Variants in EVC2 observed in about 807,000 individuals in gnomAD.
EVC2 encodes EvC ciliary complex subunit 2.
Under a neutral mutation model 149.3 loss-of-function variants are expected in EVC2, and 148 were observed. That is an observed-to-expected ratio of 0.99 (90% CI 0.87 to 1.14). The LOEUF is 1.14. EVC2 is among the 50% of genes most tolerant of loss of function. The probability of loss-of-function intolerance (pLI) is 0.00; values close to 1 mark genes in which losing one functional copy is unlikely to be tolerated. For synonymous variants in EVC2, 776 were observed against 649.9 expected (o/e 1.19, Z -2.95); for missense variants, 1,854 against 1,627.3 (o/e 1.14, Z -2.40).
At chr4:5,582,769 G>A (rs756391008) in intron 17 of EVC2, among the ~76,000 whole-genome samples, 7 of 152,162 alleles carry the variant, frequency 4.6e-5, no homozygotes, top group African/African-American at 7.2e-5. Flanking sequence ...ACTGGATCAC[G>A]GGGGTCCTTC....
Position 5,584,679 on chromosome 4 carries a change from C to A in EVC2, c.3001G>T (p.Ala1001Ser), listed in dbSNP as rs772696369. Residue 1001 changes from alanine to serine, a missense_variant, in exon 17 of 22, where the codon GCA (alanine) becomes TCA (serine). Coordinates refer to ENST00000344408, the MANE Select transcript of EVC2 (RefSeq NM_147127.5). Reference protein sequence around the residue: ...IQDLLLEELSASEMLTKSACT... With the variant: ...IQDLLLEELSSSEMLTKSACT... The stretch of plus-strand genomic sequence containing the variant: ...GCCGACTTGGTCAGCATCTCAGATG[C>A]ACTCAGCTCTTCCAGGAGCAAGTCC... 1.9e-6 allele frequency: 3 copies of A among 1,614,102 alleles called. No homozygotes were observed. Among genetic ancestry groups the A allele is most frequent in the Non-Finnish European group, 2.5e-6 (3 of 1,179,988 alleles).
At chr4:5,612,854 A>G (rs375135319) in intron 16 of EVC2, among the ~76,000 whole-genome samples, 26 of 143,412 alleles carry the variant, frequency 1.8e-4, no homozygotes, top group South Asian at 2.4e-4. Context: ...CCCGGGAGGC[A>G]GAGCTTGCAG....
At chr4:5,654,673 T>C (rs975701895) in intron 9 of EVC2, among the ~76,000 whole-genome samples, 15 of 152,036 alleles carry the variant, frequency 9.9e-5, no homozygotes, top group Admixed American at 2.6e-4. Flanking sequence ...CTATGGAACA[T>C]AGGCTTGGCC....
chr4:5,707,218 G>C (rs1370211991), intron 1 of EVC2, among the ~76,000 whole-genome samples: 1 of 152,210 alleles, frequency 6.6e-6, no homozygotes, highest in Non-Finnish European at 1.5e-5. Context: ...CAGGGAACAT[G>C]TTCTGTCATT....
chr4:5,613,673 G>A lies in EVC2; in HGVS notation c.2829+1749C>T, dbSNP rs1051460437. On this transcript the variant is annotated intron_variant, in intron 16 of 21. Coordinates refer to ENST00000344408, the MANE Select transcript of EVC2 (RefSeq NM_147127.5). This position sits in a 1 kb window ranked among gnomAD's most constrained non-coding sequence, Gnocchi z 4.6. ...AGTGACACTGTGATTGCTTGATGGAGTTTGTTTAATACTCAGGTAGTTTAG... is the reference window on the plus strand; with the variant it reads ...AGTGACACTGTGATTGCTTGATGGAATTTGTTTAATACTCAGGTAGTTTAG... Among the ~76,000 whole-genome samples the A allele has an allele frequency of 8.6e-5, 13 of 151,200 alleles. No homozygotes were observed. Among genetic ancestry groups the A allele is most frequent in the African/African-American group, 3.2e-4 (13 of 40,504 alleles).
chr4:5,703,515 A>G (rs1721957572), intron 1 of EVC2, among the ~76,000 whole-genome samples: 1 of 152,216 alleles, frequency 6.6e-6, no homozygotes, highest in Admixed American at 6.5e-5. Context: ...AGTAAACAGT[A>G]GAGCTGAGGT....
At chr4:5,555,842 A>T (rs4688940) in intron 21 of EVC2, among the ~76,000 whole-genome samples, 1 of 151,878 alleles carries the variant, frequency 6.6e-6, no homozygotes, top group Non-Finnish European at 1.5e-5. Flanking sequence ...ATATAAAATC[A>T]TCTCAACTTT....
chr4:5,578,239 T>TC (rs36021361), intron 17 of EVC2, among the ~76,000 whole-genome samples: 75,118 of 151,866 alleles, frequency 0.49, 20,999 homozygotes, highest in East Asian at 0.86. Context: ...TTCTCCTTTC[T>TC]CCCAGCAGTC....
intron 9 of EVC2, among the ~76,000 whole-genome samples, chr4:5,660,627 T>C (rs539606512): frequency 1.3e-5 from 2 of 151,654 alleles, no homozygotes; most frequent in Admixed American, 6.5e-5. Context: ...TGACCACTTC[T>C]CTTTATGGTC....
chr4:5,534,961 CTTTTT>C, the EVC2 span, among the ~76,000 whole-genome samples: 3 of 150,964 alleles, frequency 2.0e-5, no homozygotes, highest in Admixed American at 6.6e-5. Context: ...TCTCCCTTTT[CTTTTT>C]GTCAGCTGTG....
intron 6 of EVC2, 81 bp from the exon 7 acceptor site, chr4:5,681,394 C>A: frequency 7.0e-7 from 1 of 1,423,048 alleles, no homozygotes; most frequent in East Asian, 2.3e-5. Context: ...GATTTCCAAC[C>A]CTCCAAGCCT....
At chr4:5,565,788 C>G (rs1448326197) in intron 20 of EVC2, among the ~76,000 whole-genome samples, 3 of 152,074 alleles carry the variant, frequency 2.0e-5, no homozygotes, top group Non-Finnish European at 4.4e-5. Flanking sequence ...ACCATTTATT[C>G]TTTCACTCAT....
In EVC2 at chr4:5,585,749, C is replaced by A. The variant is rs887359881; in HGVS notation, c.2830-899G>T. Among the ~76,000 whole-genome samples, 3 of 152,194 alleles carry A rather than the reference C, an allele frequency of 2.0e-5. No homozygotes were observed. The East Asian group carries it at 5.8e-4, about 29-fold the overall frequency. On this transcript the variant is annotated intron_variant, in intron 16 of 21. Coordinates refer to ENST00000344408, the MANE Select transcript of EVC2 (RefSeq NM_147127.5). Reference sequence around the variant, plus strand: ...CTTGGTAATCCCACCCCCTGCCCCCCACTTAGCAACCACTGATGTGCTTTC... The same window carrying A: ...CTTGGTAATCCCACCCCCTGCCCCCAACTTAGCAACCACTGATGTGCTTTC...
intron 16 of EVC2, among the ~76,000 whole-genome samples, chr4:5,605,921 C>T (rs1056593315): frequency 1.2e-3 from 178 of 152,318 alleles, no homozygotes; most frequent in African/African-American, 4.1e-3. Context: ...TCCTGTGCCA[C>T]GGGGACCTGT....
intron 21 of EVC2, among the ~76,000 whole-genome samples, chr4:5,556,349 A>T (rs572201513): frequency 1.3e-5 from 2 of 152,238 alleles, no homozygotes; most frequent in East Asian, 3.9e-4. Flanking sequence ...AACACATGGG[A>T]CAATGAAGTC....
At chr4:5,634,566 G>C (rs975049026) in intron 10 of EVC2, among the ~76,000 whole-genome samples, 12 of 152,150 alleles carry the variant, frequency 7.9e-5, no homozygotes, top group African/African-American at 2.9e-4. Context: ...GCCTTTTTTA[G>C]AATCATATCT....
chr4:5,681,152 G>A, intron 7 of EVC2, 108 bp downstream of exon 7: 5 of 1,261,812 alleles, frequency 4.0e-6, no homozygotes, highest in South Asian at 1.2e-5. Flanking sequence ...ACGCATAACT[G>A]GGGGACCAAG....
intron 16 of EVC2, among the ~76,000 whole-genome samples, chr4:5,601,018 T>C (rs1713932056): frequency 6.6e-6 from 1 of 152,236 alleles, no homozygotes; most frequent in South Asian, 2.1e-4. Context: ...TGGGCAGCCA[T>C]GCCTTTACCA....
chr4:5,630,580 A>G (rs1378420560), intron 11 of EVC2, among the ~76,000 whole-genome samples: 1 of 152,210 alleles, frequency 6.6e-6, no homozygotes, highest in African/African-American at 2.4e-5. Context: ...TCATTTATAA[A>G]GATAAAAATG....
Sources: gnomAD v4.1 joint callset for allele counts (sites outside exome capture counted in the v4.1 genomes callset) on GRCh38, gnomAD v4.1.1 for gene constraint, Gnocchi (gnomAD v3.1) non-coding constraint, MANE v1.5 for transcripts, NCBI Gene and HGNC (gene_info 2026-07-23, HGNC 2026-07-21) for gene names.